Variants in TTC34 observed in about 807,000 individuals in gnomAD.
The protein encoded by TTC34 is tetratricopeptide repeat protein 34.
Under a neutral mutation model 40.7 loss-of-function variants are expected in TTC34, and 44 were observed. The observed-to-expected ratio is 1.08, with a 90% CI of 0.85 to 1.39. The LOEUF (loss-of-function observed/expected upper bound fraction) is 1.39, where lower values mean the gene tolerates loss of function less well. Ranked by LOEUF, TTC34 falls within the 40% of genes most tolerant of loss-of-function variation. The pLI is 0.00. For synonymous variants in TTC34, 422 were observed against 398.6 expected (o/e 1.06, Z -0.70); for missense variants, 884 against 838.0 (o/e 1.05, Z -0.68).
At chr1:2,685,032 C>A (rs530460229) in intron 6 of TTC34, among the ~76,000 whole-genome samples, 5 of 146,762 alleles carry the variant, frequency 3.4e-5, no homozygotes, top group African/African-American at 1.3e-4. Flanking sequence ...GTAACAGCAC[C>A]CACACCCACA....
At chr1:2,791,266 C>T (rs1643660598) in intron 2 of TTC34, among the ~76,000 whole-genome samples, 1 of 152,188 alleles carries the variant, frequency 6.6e-6, no homozygotes, top group Non-Finnish European at 1.5e-5. Flanking sequence ...CGGGGATACT[C>T]CGTGCTGGGC....
At chr1:2,686,613 C>G (rs367978001) in intron 6 of TTC34, among the ~76,000 whole-genome samples, 2 of 151,168 alleles carry the variant, frequency 1.3e-5, no homozygotes, top group Non-Finnish European at 2.9e-5. Flanking sequence ...CCCAGGCGAG[C>G]ATCTGACAGC....
intron 6 of TTC34, among the ~76,000 whole-genome samples, chr1:2,676,968 C>T (rs1396002428): frequency 3.0e-5 from 4 of 134,802 alleles, no homozygotes; most frequent in South Asian, 2.5e-4. Flanking sequence ...GCACCCTGCA[C>T]CCCCAGGTGA....
chr1:2,783,555 C>A (rs1557687850), intron 6 of TTC34, 54 bp downstream of exon 6: 2 of 1,314,918 alleles, frequency 1.5e-6, no homozygotes, highest in Admixed American at 3.4e-5. Flanking sequence ...GAAGGCAGCT[C>A]CCTGGGTCCC....
Position 2,642,613 on chromosome 1 carries a change from C to T in TTC34, c.2713-718G>A, listed in dbSNP as rs1012595781. 3.3e-5 allele frequency among the ~76,000 whole-genome samples: 5 copies of T among 152,246 alleles called. No homozygotes were observed. The East Asian group carries it at 9.6e-4, about 29-fold the overall frequency. The stretch of plus-strand genomic sequence containing the variant: ...ACCACGACCAGAAATCCGCTCGCCT[C>T]GCTGGGCTCCTCCTCCGCTCAAGAA... On this transcript the variant is annotated intron_variant, in intron 8 of 8. Transcript: ENST00000401095.
Position 2,775,389 on chromosome 1 carries a change from C to A in TTC34, c.2226+8220G>T, listed in dbSNP as rs563014792. ...TATGACAGAATAAAGCAGCACCCTG[C>A]ACCCCCAGTTGAGCATCTGACAGCC... On this transcript the variant is annotated intron_variant, in intron 6 of 8. Coordinates refer to ENST00000401095, the Ensembl canonical transcript of TTC34. The A allele has an allele frequency of 3.3e-5, 5 of 149,450 alleles. No homozygotes were observed. The East Asian group carries it at 7.8e-4, about 23-fold the overall frequency. The allele number at this position is 149,450 out of a possible 1,614,324, so 9.3% of individuals were successfully genotyped here.
chr1:2,800,769 G>A (rs1643764348), exon 2 of TTC34: 3 of 398,870 alleles, frequency 7.5e-6, no homozygotes, highest in East Asian at 3.6e-5. Flanking sequence ...CTCCCCCAGC[G>A]CCAGATGCTG....
Position 2,773,106 on chromosome 1 carries a change from G to T in TTC34, c.2226+10503C>A, listed in dbSNP as rs542988554. 2.8e-5 allele frequency among the ~76,000 whole-genome samples: 4 copies of T among 144,052 alleles called. No individual in the cohort carries two copies. The South Asian group carries it at 6.9e-4, about 25-fold the overall frequency. The allele number at this position is 144,052 out of a possible 152,430, so 94.5% of individuals were successfully genotyped here. On this transcript the variant is annotated intron_variant, in intron 6 of 8. Coordinates refer to ENST00000401095, the Ensembl canonical transcript of TTC34. ...TGGAGCAGCACCCACACCCCCAGGC[G>T]AGCATCTGACAGCCTGGAGCAGCAC...
intron 6 of TTC34, among the ~76,000 whole-genome samples, chr1:2,675,100 A>T (rs1179237505): frequency 7.8e-6 from 1 of 128,062 alleles, no homozygotes; most frequent in Non-Finnish European, 1.7e-5. Flanking sequence ...AGCATCTGAC[A>T]GCCTGGAGCA....
chr1:2,637,723 G>T (rs1396147645), exon 9 of TTC34: 2 of 151,706 alleles, frequency 1.3e-5, no homozygotes, highest in African/African-American at 4.9e-5. Flanking sequence ...ACACGTTCAG[G>T]TCTCTAAACT....
chr1:2,643,116 C>G (rs1638944891), intron 8 of TTC34, among the ~76,000 whole-genome samples: 1 of 152,310 alleles, frequency 6.6e-6, no homozygotes, highest in South Asian at 2.1e-4. Flanking sequence ...CTGTCGGACC[C>G]CGGGAGCCCC....
intron 2 of TTC34, among the ~76,000 whole-genome samples, chr1:2,791,715 C>T (rs58782253): frequency 0.062 from 9,456 of 152,156 alleles, 620 homozygotes; most frequent in African/African-American, 0.17. Flanking sequence ...TTTGCAGTGG[C>T]TCATGGATCC....
In TTC34 at chr1:2,790,350, C is replaced by T. The variant is rs946298685; in HGVS notation, c.785-4G>A. The T allele has an allele frequency of 1.3e-5, 5 of 398,418 alleles. No homozygotes were observed. Among genetic ancestry groups the T allele is most frequent in the African/African-American group, 1.0e-4 (5 of 48,618 alleles). The allele number at this position is 398,418 out of a possible 1,614,324, so 24.7% of individuals were successfully genotyped here. On this transcript the variant is annotated splice_region_variant and splice_polypyrimidine_tract_variant and intron_variant, in intron 2 of 8. Coordinates refer to ENST00000401095, the Ensembl canonical transcript of TTC34. ...AGCAGGGCGGCTCGGCGCTCACCTG[C>T]GGAGAGAAACAGAGGCGTGGGTTCT...
chr1:2,641,619 C>A, exon 9 of TTC34: 4 of 1,534,352 alleles, frequency 2.6e-6, no homozygotes, highest in Non-Finnish European at 3.5e-6. Flanking sequence ...AAGGCCCCTG[C>A]GGCCGCCGCC....
chr1:2,764,028 G>A (rs1641714898), intron 6 of TTC34, among the ~76,000 whole-genome samples: 1 of 93,756 alleles, frequency 1.1e-5, no homozygotes, highest in Non-Finnish European at 2.1e-5. Flanking sequence ...ACCCCCAGGT[G>A]AGCATCTGAC....
At chr1:2,747,719 C>G (rs1344573752) in intron 6 of TTC34, among the ~76,000 whole-genome samples, 91 of 134,392 alleles carry the variant, frequency 6.8e-4, no homozygotes, top group Non-Finnish European at 1.2e-3. Flanking sequence ...ACCCCGCACC[C>G]CCAGGCGAGC....
chr1:2,685,874 C>T (rs955904151), intron 6 of TTC34, among the ~76,000 whole-genome samples: 2 of 150,356 alleles, frequency 1.3e-5, no homozygotes, highest in Admixed American at 6.6e-5. Context: ...GAACAGCACC[C>T]TGCACCCCCA....
intron 6 of TTC34, among the ~76,000 whole-genome samples, chr1:2,675,462 G>T (rs372442866): frequency 0.086 from 8,027 of 93,692 alleles, no homozygotes; most frequent in South Asian, 0.2. Context: ...GCATCTGACA[G>T]CATGTAACAG....
chr1:2,684,796 C>G (rs536977490), intron 6 of TTC34, among the ~76,000 whole-genome samples: 26 of 97,118 alleles, frequency 2.7e-4, no homozygotes. Context: ...AGCACCCACA[C>G]CCCCAGGTGA....
Sources: allele counts gnomAD v4.1 joint callset (sites outside exome capture counted in the v4.1 genomes callset), GRCh38; gene constraint gnomAD v4.1.1; transcripts MANE v1.5; gene names NCBI Gene and HGNC (gene_info 2026-07-23, HGNC 2026-07-21).